Variants in PHF24 observed in about 807,000 individuals in gnomAD.
PHF24 encodes Galpha inhibitory interacting protein.
Under a neutral mutation model 42.6 loss-of-function variants are expected in PHF24, and 25 were observed. The ratio of observed to expected loss-of-function variants is 0.59; its 90% CI spans 0.43 to 0.82. The LOEUF (loss-of-function observed/expected upper bound fraction) is 0.82. Among genes scored for constraint, PHF24 ranks in the 40% least tolerant of loss-of-function variants. The probability of loss-of-function intolerance (pLI) is 0.00; values close to 1 mark genes in which losing one functional copy is unlikely to be tolerated. For missense variants in PHF24, 470 were observed against 538.1 expected (o/e 0.87, Z 1.25); for synonymous variants, 185 against 204.8 (o/e 0.90, Z 0.83).
At chr9:34,895,576 T>C in the PHF24 span, 2 of 398,616 alleles carry the variant, frequency 5.0e-6, no homozygotes, top group South Asian at 1.3e-4. Flanking sequence ...AGTGTTTCCC[T>C]ACCCGGCAAC....
At chr9:34,846,382 C>G in the PHF24 span, among the ~76,000 whole-genome samples, 1 of 151,674 alleles carries the variant, frequency 6.6e-6, no homozygotes, top group Non-Finnish European at 1.5e-5. Context: ...TGTTTTTTGG[C>G]TGCATAAATG....
At chr9:34,891,142 T>A in the PHF24 span, among the ~76,000 whole-genome samples, 1 of 152,152 alleles carries the variant, frequency 6.6e-6, no homozygotes, top group African/African-American at 2.4e-5. Flanking sequence ...CAGCTCAGGA[T>A]CATCAGTAAC....
chr9:34,863,034 C>T, the PHF24 span, among the ~76,000 whole-genome samples: 2 of 151,748 alleles, frequency 1.3e-5, no homozygotes, highest in Non-Finnish European at 2.9e-5. Context: ...GGTGAGGTTC[C>T]TCTGCTTGTA....
the PHF24 span, among the ~76,000 whole-genome samples, chr9:34,710,625 G>A: frequency 9.4e-5 from 14 of 149,100 alleles, 1 homozygote; most frequent in Admixed American, 6.7e-4. Flanking sequence ...GCACCACTGC[G>A]CCTGGCTGAT....
the PHF24 span, chr9:34,837,769 T>TA: frequency 9.8e-7 from 1 of 1,021,902 alleles, no homozygotes; most frequent in Non-Finnish European, 1.5e-6. Flanking sequence ...AAATGAGACT[T>TA]ACATTTATTT....
At chr9:34,908,114 T>A in the PHF24 span, among the ~76,000 whole-genome samples, 1 of 152,204 alleles carries the variant, frequency 6.6e-6, no homozygotes, top group East Asian at 1.9e-4. Context: ...GTGCTGGGAT[T>A]ATAGGCGTGA....
the PHF24 span, among the ~76,000 whole-genome samples, chr9:34,887,683 G>A: frequency 1.3e-5 from 2 of 152,092 alleles, no homozygotes; most frequent in Non-Finnish European, 1.5e-5. Flanking sequence ...ATTTAAAACT[G>A]TATCCCTTTT....
At chr9:34,835,220 C>A in the PHF24 span, 1 of 1,533,946 alleles carries the variant, frequency 6.5e-7, no homozygotes, top group East Asian at 2.5e-5. Flanking sequence ...CACACATGAA[C>A]ACCAGGTCTG....
At chr9:34,918,057 G>C in the PHF24 span, 1 of 1,371,478 alleles carries the variant, frequency 7.3e-7, no homozygotes, top group Admixed American at 1.7e-5. Flanking sequence ...AGGAGGCCTG[G>C]ACAAGGCCCG....
chr9:34,904,798 G>GGTACCAATT, the PHF24 span, among the ~76,000 whole-genome samples: 237 of 115,892 alleles, frequency 2.0e-3, 9 homozygotes, highest in East Asian at 2.5e-3. Flanking sequence ...CAAAAGGATT[G>GGTACCAATT]CTTGTTAGTG....
chr9:34,780,544 C>T, the PHF24 span, among the ~76,000 whole-genome samples: 1 of 152,018 alleles, frequency 6.6e-6, no homozygotes, highest in Non-Finnish European at 1.5e-5. Context: ...TTCAGCCTCC[C>T]AAAGTGTTGG....
chr9:34,902,795 A>G, the PHF24 span, among the ~76,000 whole-genome samples: 6 of 152,254 alleles, frequency 3.9e-5, no homozygotes, highest in Non-Finnish European at 1.5e-5. Context: ...TTCAATTAAG[A>G]AAAAGAAAAG....
chr9:34,777,431 G>A, the PHF24 span, among the ~76,000 whole-genome samples: 3 of 152,132 alleles, frequency 2.0e-5, no homozygotes, highest in Non-Finnish European at 2.9e-5. Flanking sequence ...GGATTGGGCT[G>A]GGAGATCCCT....
chr9:34,727,078 G>A, the PHF24 span: 1 of 1,472,448 alleles, frequency 6.8e-7, no homozygotes. Context: ...TCCTTTCCCA[G>A]TCCTGAAAAC....
At chr9:34,930,839 T>A in the PHF24 span, among the ~76,000 whole-genome samples, 1 of 152,196 alleles carries the variant, frequency 6.6e-6, no homozygotes, top group Non-Finnish European at 1.5e-5. Flanking sequence ...GGGTGAGGAA[T>A]AAATTGGGAA....
chr9:34,941,265 A>G, the PHF24 span, among the ~76,000 whole-genome samples: 1 of 152,182 alleles, frequency 6.6e-6, no homozygotes, highest in Non-Finnish European at 1.5e-5. Flanking sequence ...GTGCCTTTAA[A>G]TGGCTGGTCT....
At chr9:34,854,798 T>C in the PHF24 span, among the ~76,000 whole-genome samples, 1 of 152,198 alleles carries the variant, frequency 6.6e-6, no homozygotes, top group Non-Finnish European at 1.5e-5. Context: ...AGGTCCACTT[T>C]ATCCAAAGCT....
At chr9:34,819,041 C>A in the PHF24 span, among the ~76,000 whole-genome samples, 14 of 152,060 alleles carry the variant, frequency 9.2e-5, no homozygotes, top group African/African-American at 3.4e-4. Context: ...TAGTTTATAT[C>A]TTTTAATTAA....
the PHF24 span, among the ~76,000 whole-genome samples, chr9:34,827,689 G>A: frequency 4.6e-5 from 7 of 152,118 alleles, no homozygotes; most frequent in African/African-American, 1.7e-4. Context: ...CTCTGTGGTA[G>A]GTCAGAAGGG....
Sources: allele counts gnomAD v4.1 joint callset (sites outside exome capture counted in the v4.1 genomes callset), GRCh38; gene constraint gnomAD v4.1.1; transcripts MANE v1.5; gene names NCBI Gene and HGNC (gene_info 2026-07-23, HGNC 2026-07-21).